Variants in SPAG16 observed in about 807,000 individuals in gnomAD.
SPAG16 encodes sperm associated antigen 16.
A neutral mutation model predicts 80.4 loss-of-function variants in SPAG16; 86 were observed. The ratio of observed to expected loss-of-function variants is 1.07; its 90% CI spans 0.90 to 1.28. SPAG16 has a LOEUF of 1.28. Among genes scored for constraint, SPAG16 ranks in the 50% most tolerant of loss-of-function variants. The pLI is 0.00. For missense variants in SPAG16, 870 were observed against 765.3 expected (o/e 1.14, Z -1.61); for synonymous variants, 294 against 265.9 (o/e 1.11, Z -1.03).
intron 15 of SPAG16, among the ~76,000 whole-genome samples, chr2:214,217,250 A>G (rs1023213572): frequency 2.9e-4 from 44 of 152,370 alleles, no homozygotes; most frequent in African/African-American, 9.9e-4. Context: ...AATTATTCCA[A>G]TTGCTCTGCA....
rs563889059 is a variant in SPAG16, at chr2:213,776,209, T to C, written c.1071-86276T>C. 3.9e-5 allele frequency among the ~76,000 whole-genome samples: 6 copies of C among 152,330 alleles called. No individual in the cohort carries two copies. In the South Asian group the frequency reaches 1.2e-3, roughly 32 times the overall value. On this transcript the variant is annotated intron_variant, in intron 10 of 15. Coordinates refer to ENST00000331683, the MANE Select transcript of SPAG16 (RefSeq NM_024532.5). ...GATTTGTAGAGATTATCCTGGATTA[T>C]GTTGGTGGACCCAGTCTAATCATAG...
intron 5 of SPAG16, chr2:213,317,583 G>C (rs930151063): frequency 8.5e-7 from 1 of 1,182,900 alleles, no homozygotes; most frequent in African/African-American, 1.6e-5. Flanking sequence ...TTGTTTAGGA[G>C]ATGGTACATT....
At chr2:213,288,420 C>A (rs1341725301) in intron 1 of SPAG16, among the ~76,000 whole-genome samples, 1 of 152,050 alleles carries the variant, frequency 6.6e-6, no homozygotes, top group African/African-American at 2.4e-5. Context: ...TTCTGCTGCC[C>A]CAGCCTCCCG....
At chr2:213,570,019 G>C (rs1344267136) in intron 10 of SPAG16, among the ~76,000 whole-genome samples, 1 of 92,338 alleles carries the variant, frequency 1.1e-5, no homozygotes. Flanking sequence ...TAGTTTATTT[G>C]CGTAGAGGTG....
At chr2:214,394,955 C>G (rs1468095524) in intron 15 of SPAG16, among the ~76,000 whole-genome samples, 1 of 152,156 alleles carries the variant, frequency 6.6e-6, no homozygotes, top group Admixed American at 6.5e-5. Flanking sequence ...TAATAAAAAT[C>G]AGACAGTATG....
chr2:213,405,912 A>T (rs1312586995), intron 9 of SPAG16, among the ~76,000 whole-genome samples: 1 of 152,224 alleles, frequency 6.6e-6, no homozygotes, highest in Non-Finnish European at 1.5e-5. Flanking sequence ...AAGAGAAAGC[A>T]AAATAAGGGT....
chr2:213,591,906 A>G (rs1247876369), intron 10 of SPAG16, among the ~76,000 whole-genome samples: 1 of 152,224 alleles, frequency 6.6e-6, no homozygotes, highest in Non-Finnish European at 1.5e-5. Context: ...ACTAGCATGA[A>G]GCAGTATTCT....
At chr2:213,455,264 A>C (rs1381561589) in intron 9 of SPAG16, among the ~76,000 whole-genome samples, 1 of 152,154 alleles carries the variant, frequency 6.6e-6, no homozygotes. Context: ...TTTGTGATGG[A>C]GTAGCTTAAC....
At chr2:213,741,191 T>TA (rs2067535636) in intron 10 of SPAG16, among the ~76,000 whole-genome samples, 1 of 152,098 alleles carries the variant, frequency 6.6e-6, no homozygotes, top group Non-Finnish European at 1.5e-5. Flanking sequence ...CTGAATAAAA[T>TA]AAAAAATACT....
At chr2:213,759,920 A>G (rs939201436) in intron 10 of SPAG16, among the ~76,000 whole-genome samples, 4 of 152,090 alleles carry the variant, frequency 2.6e-5, no homozygotes, top group African/African-American at 9.7e-5. Flanking sequence ...CTATAGTCCC[A>G]GATACTCATG....
chr2:213,565,609 A>C (rs769110648), intron 10 of SPAG16, among the ~76,000 whole-genome samples: 10 of 152,220 alleles, frequency 6.6e-5, no homozygotes, highest in Non-Finnish European at 1.3e-4. Flanking sequence ...GTGGCTGAGC[A>C]GGAAGTGGAA....
intron 10 of SPAG16, among the ~76,000 whole-genome samples, chr2:213,658,838 C>A (rs189139212): frequency 6.6e-6 from 1 of 152,284 alleles, no homozygotes; most frequent in African/African-American, 2.4e-5. Context: ...GGAGATGAGA[C>A]CATCCTGGCC....
At chr2:213,627,241 C>T (rs574741261) in intron 10 of SPAG16, among the ~76,000 whole-genome samples, 1 of 152,268 alleles carries the variant, frequency 6.6e-6, no homozygotes, top group South Asian at 2.1e-4. Flanking sequence ...TGGCAGAGAG[C>T]GTTCCTCACG....
intron 9 of SPAG16, among the ~76,000 whole-genome samples, chr2:213,457,281 T>C (rs2072078386): frequency 6.6e-6 from 1 of 152,206 alleles, no homozygotes; most frequent in South Asian, 2.1e-4. Flanking sequence ...CAGGTTGCTC[T>C]TCCTCTATGA....
At chr2:213,711,801 T>A (rs997791836) in intron 10 of SPAG16, among the ~76,000 whole-genome samples, 21 of 152,248 alleles carry the variant, frequency 1.4e-4, no homozygotes, top group African/African-American at 5.1e-4. Flanking sequence ...ATTATAGGTG[T>A]GAGCCACCAC....
At chr2:213,761,808 G>C (rs1331993959) in intron 10 of SPAG16, among the ~76,000 whole-genome samples, 2 of 152,170 alleles carry the variant, frequency 1.3e-5, no homozygotes, top group Admixed American at 6.5e-5. Context: ...AGAGGTTGCA[G>C]TGAGCCGAGA....
chr2:213,590,000 G>A (rs897432599), intron 10 of SPAG16, among the ~76,000 whole-genome samples: 19 of 151,722 alleles, frequency 1.3e-4, no homozygotes, highest in African/African-American at 4.4e-4. Flanking sequence ...CTAACCTCAG[G>A]AATAATAATA....
At chr2:214,312,746 A>G (rs1415213969) in intron 15 of SPAG16, among the ~76,000 whole-genome samples, 1 of 152,174 alleles carries the variant, frequency 6.6e-6, no homozygotes, top group Non-Finnish European at 1.5e-5. Context: ...CTTAGAATAC[A>G]ACAGTGATTT....
At chr2:214,098,957 C>T (rs2052796052) in intron 13 of SPAG16, among the ~76,000 whole-genome samples, 1 of 151,890 alleles carries the variant, frequency 6.6e-6, no homozygotes, top group African/African-American at 2.4e-5. Flanking sequence ...TTGATAATAG[C>T]ATTAGAAACA....
Sources: gnomAD v4.1 joint callset for allele counts (sites outside exome capture counted in the v4.1 genomes callset) on GRCh38, gnomAD v4.1.1 for gene constraint, MANE v1.5 for transcripts, NCBI Gene and HGNC (gene_info 2026-07-23, HGNC 2026-07-21) for gene names.